The following SLC4A11 variants were observed in gnomAD, a reference collection of about 807,000 sequenced individuals.
The protein encoded by SLC4A11 is bicarbonate transporter related protein 1.
In SLC4A11, 74 loss-of-function variants were observed where a neutral mutation model predicts 95.0. The ratio of observed to expected loss-of-function variants is 0.78; its 90% CI spans 0.65 to 0.95. The LOEUF is 0.95. Ranked by LOEUF, SLC4A11 falls within the 40% of genes least tolerant of loss-of-function variation. The pLI is 0.00. For synonymous variants in SLC4A11, 548 were observed against 519.0 expected (o/e 1.06, Z -0.76); for missense variants, 1,081 against 1,192.4 (o/e 0.91, Z 1.38).
Position 3,234,058 on chromosome 20 carries a change from G to GT in SLC4A11, c.523+24_523+25insA. The GT allele has an allele frequency of 1.9e-6, 3 of 1,613,576 alleles. No homozygotes were observed. Among genetic ancestry groups the GT allele is most frequent in the Non-Finnish European group, 2.5e-6 (3 of 1,179,892 alleles). On this transcript the variant is annotated intron_variant, in intron 5 of 19. Coordinates refer to ENST00000642402, the MANE Select transcript of SLC4A11 (RefSeq NM_001174089.2). The surrounding 1 kb of genome is among the most constrained non-coding windows in gnomAD (Gnocchi z 5.8). ...GTCAACAGCCCCTCCCAACGCCCCC[G>GT]CCCGGGCCGGGAGACCGGCCTCACC...
Position 3,239,139 on chromosome 20 carries a change from G to C in SLC4A11, c.-2C>G, listed in dbSNP as rs772820242. ...CACGCGCCTGGTGGCCGCGGCCATG[G>C]CACACTCGCGCACTCACGGCCGGGC... On this transcript the variant is annotated 5_prime_UTR_variant, in exon 1 of 20. Transcript: ENST00000642402. 83 of 1,467,114 alleles carry C rather than the reference G, an allele frequency of 5.7e-5. No individual in the cohort carries two copies. The highest frequency in any genetic ancestry group is 7.4e-5 in the Non-Finnish European group (82 of 1,113,004). The allele number at this position is 1,467,114 out of a possible 1,614,324, so 90.9% of individuals were successfully genotyped here.
Position 3,228,642 on chromosome 20 carries a change from A to G in SLC4A11, c.2258T>C (p.Leu753Pro). The G allele has an allele frequency of 6.2e-7, 1 of 1,613,074 alleles. No homozygotes were observed. Residue 753 changes from leucine (L) to proline (P), a missense_variant, in exon 18 of 20, where the codon CTG (leucine) becomes CCG (proline). Physicochemically the swap from Leu to Pro is moderately conservative, Grantham distance 98. Transcript: ENST00000642402. ...CTGAAGCGGGACCGGCAGCAGCAAC[A>G]GGGACAGGCCCACCAGGACGCTGGC... is the stretch of plus-strand genomic sequence containing the variant. ...LGASVLVGLS[L>P]LLLPVPLQWI...
chr20:3,235,371 A>G (rs1432500986), intron 2 of SLC4A11, among the ~76,000 whole-genome samples: 5 of 150,138 alleles, frequency 3.3e-5, no homozygotes, highest in Non-Finnish European at 5.9e-5. Flanking sequence ...TTGTGGGCAC[A>G]GGGTCTTAGA....
In SLC4A11 at chr20:3,229,678, C is replaced by G. The variant is rs202020752; in HGVS notation, c.1588G>C (p.Ala530Pro). The G allele has an allele frequency of 6.2e-7, 1 of 1,613,700 alleles. No homozygotes were observed. Among genetic ancestry groups the G allele is most frequent in the African/African-American group, 1.3e-5 (1 of 74,908 alleles). Residue 530 changes from alanine to proline, a missense_variant, in exon 14 of 20, where the codon GCC becomes CCC. Transcript: ENST00000642402. ...SLSGLGASLN[A>P]SLHTALNASF... ...GCGTTGAGGGCAGTGTGGAGGCTGGCGTTGAGGCTGGCGCCGAGGCCTGAC... is the reference window on the plus strand; with the variant it reads ...GCGTTGAGGGCAGTGTGGAGGCTGGGGTTGAGGCTGGCGCCGAGGCCTGAC...
rs775995589 is a variant in SLC4A11, at chr20:3,228,722, G to GCCA, written c.2193-16_2193-15insTGG. On this transcript the variant is annotated splice_polypyrimidine_tract_variant and intron_variant, in intron 17 of 19. Transcript: ENST00000642402. The stretch of plus-strand genomic sequence containing the variant: ...CGTTCACAATCCTGCGGTGGCCCGA[G>GCCA]CCGCGAGTGTCACCTCTGCGCCCCT... 84 of 1,612,664 alleles carry GCCA rather than the reference G, an allele frequency of 5.2e-5. No homozygotes were observed. Among genetic ancestry groups the GCCA allele is most frequent in the Non-Finnish European group, 7.0e-5 (83 of 1,179,748 alleles).
intron 13 of SLC4A11, 148 bp from the exon 14 acceptor site, chr20:3,229,924 G>A: frequency 8.3e-7 from 1 of 1,204,808 alleles, no homozygotes; most frequent in Middle Eastern, 2.6e-4. Flanking sequence ...CCTGCCCACT[G>A]TCCCTGTCCC....
Position 3,228,617 on chromosome 20 carries a change from C to T in SLC4A11, c.2283G>A (p.Gln761=). ...CATAGAGCACGGGCTTGGGGATCCA[C>T]TGAAGCGGGACCGGCAGCAGCAACA... ...LSLLLLPVPL[Q]WIPKPVLYGL... The change falls in exon 18 of 20, where the codon CAG becomes CAA. Residue 761 remains glutamine, a synonymous_variant. Transcript: ENST00000642402. The T allele has an allele frequency of 6.2e-7, 1 of 1,613,284 alleles. No individual in the cohort carries two copies. Among genetic ancestry groups the T allele is most frequent in the South Asian group, 1.1e-5 (1 of 91,082 alleles).
At chr20:3,237,040 T>C (rs2068004009) in intron 2 of SLC4A11, among the ~76,000 whole-genome samples, 1 of 151,918 alleles carries the variant, frequency 6.6e-6, no homozygotes, top group African/African-American at 2.4e-5. Context: ...CCTCGAATGG[T>C]CAGGTCACTC....
At position 3,237,575 on chromosome 20, in the gene SLC4A11, G is replaced by A. The variant is rs376784248; in HGVS notation, c.57C>T (p.Thr19=). The change falls in exon 2 of 20, where the codon ACC becomes ACT. Residue 19 remains threonine, a synonymous_variant. Transcript: ENST00000642402. ...FHLQPCENSP[T]MSQNGYFEDS... Reference sequence around the variant, plus strand: ...CCTCGAAGTATCCATTCTGCGACATGGTGGGAGAGTTTTCTGCAAGGGAAG... The same window carrying A: ...CCTCGAAGTATCCATTCTGCGACATAGTGGGAGAGTTTTCTGCAAGGGAAG... The A allele has an allele frequency of 6.2e-6, 10 of 1,614,076 alleles. No individual in the cohort carries two copies. Among genetic ancestry groups the A allele is most frequent in the African/African-American group, 2.7e-5 (2 of 75,038 alleles).
At chr20:3,230,440 C>T (rs1453548494) in intron 12 of SLC4A11, 75 bp downstream of exon 12, 1 of 1,608,844 alleles carries the variant, frequency 6.2e-7, no homozygotes, top group African/African-American at 1.3e-5. Flanking sequence ...GCACCCCCAC[C>T]ACCCTGGGGT....
In SLC4A11 at chr20:3,228,398, TC is replaced by T; in HGVS notation, c.2418del (p.Arg807GlyfsTer26). ...QTAYPPTHYIRRVPQRKIHYF... is the reference protein window; with the variant it reads ...QTAYPPTHYIXRVPQRKIHYF... Reference sequence around the variant, plus strand: ...TAGTGGATCTTCCTCTGGGGCACCCTCCGGATGTAGTGTGTCGGGGGGTACG... The same window carrying T: ...TAGTGGATCTTCCTCTGGGGCACCCTCGGATGTAGTGTGTCGGGGGGTACG... On this transcript the variant is annotated frameshift_variant, in exon 19 of 20. Coordinates refer to ENST00000642402, the MANE Select transcript of SLC4A11 (RefSeq NM_001174089.2). LOFTEE classifies it high-confidence loss of function. The T allele has an allele frequency of 6.2e-7, 1 of 1,613,244 alleles. No homozygotes were observed. The highest frequency in any genetic ancestry group is 8.5e-7 in the Non-Finnish European group (1 of 1,179,960).
chr20:3,228,144 C>CA, intron 19 of SLC4A11, 115 bp downstream of exon 19: 2 of 718,204 alleles, frequency 2.8e-6, no homozygotes, highest in South Asian at 1.5e-5. Flanking sequence ...GCACCCACCC[C>CA]AACCCGCCCA....
At position 3,237,566 on chromosome 20, in the gene SLC4A11, C is replaced by A. The variant is rs2068021562; in HGVS notation, c.66G>T (p.Gln22His). 2 of 1,613,990 alleles carry A rather than the reference C, an allele frequency of 1.2e-6. No individual in the cohort carries two copies. Among genetic ancestry groups the A allele is most frequent in the African/African-American group, 1.3e-5 (1 of 74,918 alleles). The stretch of plus-strand genomic sequence containing the variant: ...CACTTGAATCCTCGAAGTATCCATT[C>A]TGCGACATGGTGGGAGAGTTTTCTG... ...QPCENSPTMS[Q>H]NGYFEDSSYY... Residue 22 changes from glutamine to histidine, a missense_variant, in exon 2 of 20, where the codon CAG (glutamine) becomes CAT (histidine). Around this residue, in one of 3 missense-constraint regions of SLC4A11, gnomAD observed 310 missense variants for 313.5 expected, o/e 0.99. Transcript: ENST00000642402.
Position 3,227,558 on chromosome 20 carries a change from A to G in SLC4A11, c.*229T>C. On this transcript the variant is annotated 3_prime_UTR_variant, in exon 20 of 20. Transcript: ENST00000642402. ...CTGCTCAGTCCCACCCACCCTGGGCAGAAGCTGCCCTGAGCAACGCTCTTG... is the reference window on the plus strand; with the variant it reads ...CTGCTCAGTCCCACCCACCCTGGGCGGAAGCTGCCCTGAGCAACGCTCTTG... 2 of 586,018 alleles carry G rather than the reference A, an allele frequency of 3.4e-6. No homozygotes were observed. Among genetic ancestry groups the G allele is most frequent in the South Asian group, 3.9e-5 (2 of 51,226 alleles). The allele number at this position is 586,018 out of a possible 1,614,324, so 36.3% of individuals were successfully genotyped here. A position where few individuals can be genotyped will look rare whatever the true frequency, so the allele number is the denominator to read the frequency against.
Position 3,234,680 on chromosome 20 carries a change from G to T in SLC4A11, c.241+62C>A, listed in dbSNP as rs2067909628. On this transcript the variant is annotated intron_variant, in intron 3 of 19. Coordinates refer to ENST00000642402, the MANE Select transcript of SLC4A11 (RefSeq NM_001174089.2). This position sits in a 1 kb window ranked among gnomAD's most constrained non-coding sequence, Gnocchi z 5.8. Reference sequence around the variant, plus strand: ...CTCTCCTCAGGTCTTTCTTAGTAAGGCGAGTCACACCTGCCCAGTCCCGTG... The same window carrying T: ...CTCTCCTCAGGTCTTTCTTAGTAAGTCGAGTCACACCTGCCCAGTCCCGTG... The T allele has an allele frequency of 2.5e-6, 4 of 1,613,680 alleles. No homozygotes were observed. Among genetic ancestry groups the T allele is most frequent in the Non-Finnish European group, 3.4e-6 (4 of 1,179,980 alleles).
Position 3,228,423 on chromosome 20 carries a change from C to A in SLC4A11, c.2394G>T (p.Ala798=). ...TCCGGATGTAGTGTGTCGGGGGGTA[C>A]GCAGTCTGTGGGCGGCAGGGACCGG... is the stretch of plus-strand genomic sequence containing the variant. ...RVALLLKEQT[A]YPPTHYIRRV... is the part of the protein sequence containing the mutation. The change falls in exon 19 of 20, where the codon GCG becomes GCT. Residue 798 remains alanine, a synonymous_variant. Coordinates refer to ENST00000642402, the MANE Select transcript of SLC4A11 (RefSeq NM_001174089.2). 1 of 1,613,174 alleles carries A rather than the reference C, an allele frequency of 6.2e-7. No homozygotes were observed. The highest frequency in any genetic ancestry group is 8.5e-7 in the Non-Finnish European group (1 of 1,179,950).
chr20:3,238,883 T>C, intron 1 of SLC4A11: 3 of 1,250,110 alleles, frequency 2.4e-6, no homozygotes, highest in Non-Finnish European at 3.0e-6. Flanking sequence ...AGAGCCCTAA[T>C]GAAACCAAGC....
At chr20:3,233,477 C>G (rs1003306682) in intron 7 of SLC4A11, 37 bp downstream of exon 7, 2 of 1,611,968 alleles carry the variant, frequency 1.2e-6, no homozygotes, top group Non-Finnish European at 1.7e-6. Flanking sequence ...AACCCGGGGC[C>G]CTCCTTCTTC....
intron 12 of SLC4A11, 40 bp from the exon 13 acceptor site, chr20:3,230,300 CA>C (rs1475060783): frequency 1.2e-6 from 2 of 1,611,412 alleles, no homozygotes; most frequent in African/African-American, 1.3e-5. Context: ...TGGGTGTGGT[CA>C]GGGGGCAGGT....
Sources: gnomAD v4.1 joint callset for allele counts (sites outside exome capture counted in the v4.1 genomes callset) on GRCh38, gnomAD v4.1.1 for gene constraint, gnomAD v4.1.1 regional missense constraint, Gnocchi (gnomAD v3.1) non-coding constraint, MANE v1.5 for transcripts, NCBI Gene and HGNC (gene_info 2026-07-23, HGNC 2026-07-21) for gene names.